Variants in MINK1 observed in about 807,000 individuals in gnomAD.
The protein encoded by MINK1 is misshapen-like kinase 1.
Under a neutral mutation model 178.4 loss-of-function variants are expected in MINK1, and 46 were observed. That is an observed-to-expected ratio of 0.26 (90% CI 0.20 to 0.33). The LOEUF (loss-of-function observed/expected upper bound fraction) is 0.33, where lower values mean the gene tolerates loss of function less well. MINK1 is among the 10% of genes least tolerant of loss of function. MINK1 has a pLI of 1.00. For missense variants in MINK1, 1,366 were observed against 1,814.9 expected, an observed-to-expected ratio of 0.75 and a Z score of 4.49; for synonymous variants, 797 against 709.7, an observed-to-expected ratio of 1.12 and a Z score of -1.96.
At chr17:4,845,032 G>A (rs907733460) in intron 1 of MINK1, among the ~76,000 whole-genome samples, 4 of 152,030 alleles carry the variant, frequency 2.6e-5, no homozygotes, top group Non-Finnish European at 4.4e-5. Context: ...CCACCTTCCA[G>A]CCCCTGGCAC....
At chr17:4,846,013 A>G (rs948193716) in intron 1 of MINK1, among the ~76,000 whole-genome samples, 4 of 152,124 alleles carry the variant, frequency 2.6e-5, no homozygotes, top group African/African-American at 9.7e-5. Context: ...CATCCTTGCT[A>G]TTTACAGTTT....
chr17:4,891,313 T>G, intron 15 of MINK1, 143 bp from the exon 16 acceptor site: 1 of 1,265,146 alleles, frequency 7.9e-7, no homozygotes, highest in Non-Finnish European at 1.1e-6. Context: ...CTGTCCTGAC[T>G]TAGCTGTCAT....
chr17:4,896,214 C>G lies in MINK1; in HGVS notation c.3487C>G (p.Arg1163Gly). ...GCAGTCCTTTGCCGACCTCCCCCAC[C>G]GCCCTCTGCTGGTCGACCTGACAGT... The part of the protein sequence containing the change: ...AFKSFADLPH[R>G]PLLVDLTVEE... The change falls in exon 29 of 32, where the codon CGC (arginine) becomes GGC (glycine). Residue 1163 changes from arginine to glycine, a missense_variant. Around this residue, in one of 14 missense-constraint regions of MINK1, gnomAD observed 201 missense variants for 240.7 expected, o/e 0.84. Transcript: ENST00000355280. The surrounding 1 kb of genome is among the most constrained non-coding windows in gnomAD (Gnocchi z 4.6). 1.3e-6 allele frequency: 2 copies of G among 1,599,336 alleles called. No homozygotes were observed. The highest frequency in any genetic ancestry group is 8.5e-7 in the Non-Finnish European group (1 of 1,172,122).
rs570185232 is a variant in MINK1, at chr17:4,896,985, G to C, written c.3915+172G>C. The stretch of plus-strand genomic sequence containing the variant: ...CTGCCCTGCGCTCCCTTCAGATTCC[G>C]AGGACTTCCCAGCTGGCCCCCAGGG... On this transcript the variant is annotated intron_variant, in intron 31 of 31. Coordinates refer to ENST00000355280, the MANE Select transcript of MINK1 (RefSeq NM_153827.5). The surrounding 1 kb of genome is among the most constrained non-coding windows in gnomAD (Gnocchi z 4.6). The C allele has an allele frequency of 3.8e-6, 4 of 1,046,206 alleles. No individual in the cohort carries two copies. The highest frequency in any genetic ancestry group is 5.4e-6 in the Non-Finnish European group (4 of 734,302). The allele number at this position is 1,046,206 out of a possible 1,614,324, so 64.8% of individuals were successfully genotyped here.
intron 1 of MINK1, among the ~76,000 whole-genome samples, chr17:4,869,627 G>A (rs1344521227): frequency 1.3e-5 from 2 of 151,914 alleles, no homozygotes; most frequent in African/African-American, 2.4e-5. Flanking sequence ...CCGATCTTAC[G>A]ATAGTTCTGT....
intron 2 of MINK1, among the ~76,000 whole-genome samples, chr17:4,880,390 A>G (rs1382235385): frequency 6.7e-6 from 1 of 149,728 alleles, no homozygotes; most frequent in Non-Finnish European, 1.5e-5. Context: ...GGTTCAGGCA[A>G]TTCTCGTGCC....
chr17:4,840,042 A>G (rs1909978760), intron 1 of MINK1, among the ~76,000 whole-genome samples: 2 of 151,942 alleles, frequency 1.3e-5, no homozygotes, highest in African/African-American at 4.8e-5. Flanking sequence ...GGGCACATAT[A>G]ACAAGAGTTG....
rs151339855 is a variant in MINK1 at position 4,855,485 on chromosome 17, C to CAAA, written c.57+21858_57+21860dup. Reference sequence around the variant, plus strand: ...TGGGCGACAGAGCGAGACTCCATCTCAAAAAAAAAAAAAAAGGCCGGGCAC... The same window carrying CAAA: ...TGGGCGACAGAGCGAGACTCCATCTCAAAAAAAAAAAAAAAAAAGGCCGGGCAC... On this transcript the variant is annotated intron_variant, in intron 1 of 31. Coordinates refer to ENST00000355280, the MANE Select transcript of MINK1 (RefSeq NM_153827.5). Among the ~76,000 whole-genome samples the CAAA allele has an allele frequency of 6.7e-4, 62 of 92,374 alleles. 2 individuals carry two copies. Among genetic ancestry groups the CAAA allele is most frequent in the African/African-American group, 1.1e-3 (22 of 19,972 alleles). 60.6% of individuals were successfully genotyped at this position (92,374 alleles called of 152,430 possible). A position where few individuals can be genotyped will look rare whatever the true frequency, so the allele number is the denominator to read the frequency against.
chr17:4,865,519 C>T (rs918012942), intron 1 of MINK1, among the ~76,000 whole-genome samples: 54 of 151,624 alleles, frequency 3.6e-4, no homozygotes, highest in African/African-American at 1.3e-3. Context: ...TCCCCTTTTT[C>T]TCATAAGGAC....
chr17:4,886,940 G>A lies in MINK1; in HGVS notation c.950-170G>A, dbSNP rs564781513. 7.2e-5 allele frequency among the ~76,000 whole-genome samples: 11 copies of A among 152,040 alleles called. No homozygotes were observed. The East Asian group carries it at 1.2e-3, about 16-fold the overall frequency. ...TGCCCTGGGACCCAGTCCCGGTCCTGTCCAGGCCCACACCTGAGACCCGCT... is the reference window on the plus strand; with the variant it reads ...TGCCCTGGGACCCAGTCCCGGTCCTATCCAGGCCCACACCTGAGACCCGCT... On this transcript the variant is annotated intron_variant, in intron 10 of 31. Coordinates refer to ENST00000355280, the MANE Select transcript of MINK1 (RefSeq NM_153827.5). This position sits in a 1 kb window ranked among gnomAD's most constrained non-coding sequence, Gnocchi z 6.1.
intron 1 of MINK1, among the ~76,000 whole-genome samples, chr17:4,848,977 G>A (rs1405858292): frequency 6.6e-6 from 1 of 152,146 alleles, no homozygotes; most frequent in African/African-American, 2.4e-5. Flanking sequence ...GTCTCCTGGG[G>A]TTCTTTAACA....
chr17:4,878,271 C>T, intron 1 of MINK1, 46 bp from the exon 2 acceptor site: 1 of 1,512,058 alleles, frequency 6.6e-7, no homozygotes, highest in Non-Finnish European at 8.9e-7. Context: ...CTCTGTAATC[C>T]TTTTCTAAAG....
Position 4,891,019 on chromosome 17 carries a change from G to T in MINK1, c.1635G>T (p.Thr545=), listed in dbSNP as rs760699287. Residue 545 remains threonine (T), a synonymous_variant, in exon 15 of 32, where the codon ACG becomes ACT. Transcript: ENST00000355280. ...TGGCCAAGAGCAAGCCAGGCAGCAC[G>T]GGGCCTGAGCCCCCCATCCCCCAGG... ...SPLAKSKPGS[T]GPEPPIPQAS... is the part of the protein sequence containing the mutation. 1.9e-6 allele frequency: 3 copies of T among 1,559,292 alleles called. No individual in the cohort carries two copies. Among genetic ancestry groups the T allele is most frequent in the East Asian group, 2.4e-5 (1 of 41,506 alleles).
At chr17:4,854,750 C>T (rs1223899540) in intron 1 of MINK1, 1 of 493,822 alleles carries the variant, frequency 2.0e-6, no homozygotes, top group Non-Finnish European at 4.0e-6. Flanking sequence ...CTTCAAAACA[C>T]AGGTAGCCAT....
chr17:4,841,881 C>T (rs1364264532), intron 1 of MINK1, among the ~76,000 whole-genome samples: 3 of 151,998 alleles, frequency 2.0e-5, no homozygotes, highest in South Asian at 2.1e-4. Context: ...GCCAGGGCAC[C>T]GCTGGCCTCC....
intron 1 of MINK1, among the ~76,000 whole-genome samples, chr17:4,859,998 G>C (rs866160911): frequency 6.6e-6 from 1 of 151,744 alleles, no homozygotes; most frequent in Non-Finnish European, 1.5e-5. Flanking sequence ...TGCGGAGCGG[G>C]GTACAGAGGG....
At chr17:4,849,154 A>T (rs1911521497) in intron 1 of MINK1, among the ~76,000 whole-genome samples, 1 of 152,126 alleles carries the variant, frequency 6.6e-6, no homozygotes, top group African/African-American at 2.4e-5. Flanking sequence ...CCATCTCCTG[A>T]AAGTCTTCCA....
Position 4,894,082 on chromosome 17 carries a change from G to T in MINK1, c.2659G>T (p.Val887Leu). The T allele has an allele frequency of 1.3e-6, 2 of 1,589,920 alleles. No homozygotes were observed. The highest frequency in any genetic ancestry group is 2.2e-5 in the South Asian group (2 of 89,008). ...GCCCCCATACGGGGGCGGCACCATG[G>T]TGGTCCAGCGCGTGAGTGAGCCTCT... ...TQPPYGGGTM[V>L]VQRTPEEERN... The change falls in exon 22 of 32, where the codon GTG becomes TTG. Residue 887 changes from valine (V) to leucine (L), a missense_variant. Transcript: ENST00000355280. This position sits in a 1 kb window ranked among gnomAD's most constrained non-coding sequence, Gnocchi z 4.1.
At position 4,897,613 on chromosome 17, in the gene MINK1, A is replaced by C. The variant is rs1969688406; in HGVS notation, c.*326A>C. 2.1e-5 allele frequency: 5 copies of C among 238,948 alleles called. No individual in the cohort carries two copies. The highest frequency in any genetic ancestry group is 4.1e-5 in the Non-Finnish European group (5 of 123,360). 14.8% of individuals were successfully genotyped at this position (238,948 alleles called of 1,614,324 possible). A position where few individuals can be genotyped will look rare whatever the true frequency, so the allele number is the denominator to read the frequency against. ...AGAGTGCTTGGGGCTTGAACCCCTT[A>C]CCCCACTGCTGCTGACTGGGCAGGG... On this transcript the variant is annotated 3_prime_UTR_variant, in exon 32 of 32. Coordinates refer to ENST00000355280, the MANE Select transcript of MINK1 (RefSeq NM_153827.5).
Sources: gnomAD v4.1 joint callset for allele counts (sites outside exome capture counted in the v4.1 genomes callset) on GRCh38, gnomAD v4.1.1 for gene constraint, gnomAD v4.1.1 regional missense constraint, Gnocchi (gnomAD v3.1) non-coding constraint, MANE v1.5 for transcripts, NCBI Gene and HGNC (gene_info 2026-07-23, HGNC 2026-07-21) for gene names.